Variants in COPS5 observed in about 807,000 individuals in gnomAD.
The protein encoded by COPS5 is COP9 signalosome subunit 5, also known as COP9 signalosome complex subunit 5.
A neutral mutation model predicts 44.4 loss-of-function variants in COPS5; 8 were observed. That is an observed-to-expected ratio of 0.18 (90% CI 0.11 to 0.32). The LOEUF (loss-of-function observed/expected upper bound fraction) is 0.32. Ranked by LOEUF, COPS5 falls within the 10% of genes least tolerant of loss-of-function variation. The probability of loss-of-function intolerance (pLI) is 1.00; values close to 1 mark genes in which losing one functional copy is unlikely to be tolerated. For missense variants in COPS5, 159 were observed against 406.4 expected (o/e 0.39, Z 5.23); for synonymous variants, 122 against 142.8 (o/e 0.85, Z 1.04).
At chr8:67,050,289 C>T (rs929885583) in intron 6 of COPS5, among the ~76,000 whole-genome samples, 1 of 152,252 alleles carries the variant, frequency 6.6e-6, no homozygotes. Context: ...GCGTAAGCCA[C>T]CGCGCCCGGC....
Position 67,056,536 on chromosome 8 carries a change from A to G in COPS5, c.642T>C (p.Phe214=). The change falls in exon 5 of 8, where the codon TTT becomes TTC. Residue 214 remains phenylalanine, a synonymous_variant. Coordinates refer to ENST00000357849, the MANE Select transcript of COPS5 (RefSeq NM_006837.3). Reference sequence around the variant, plus strand: ...TTACTTACTGTTTGCAGTGTACACCAAAATCTTCTATTTTATTAAGTGGAA... The same window carrying G: ...TTACTTACTGTTTGCAGTGTACACCGAAATCTTCTATTTTATTAAGTGGAA... The part of the protein sequence containing the change: ...QTIPLNKIED[F]GVHCKQYYAL... 7.0e-7 allele frequency: 1 copy of G among 1,436,396 alleles called. No individual in the cohort carries two copies. Among genetic ancestry groups the G allele is most frequent in the Non-Finnish European group, 9.5e-7 (1 of 1,051,550 alleles). The allele number at this position is 1,436,396 out of a possible 1,614,324, so 89.0% of individuals were successfully genotyped here. A position where few individuals can be genotyped will look rare whatever the true frequency, so the allele number is the denominator to read the frequency against.
chr8:67,057,278 G>A (rs112718029), intron 4 of COPS5, 102 bp downstream of exon 4: 44 of 587,360 alleles, frequency 7.5e-5, no homozygotes, highest in Admixed American at 5.8e-4. Flanking sequence ...GAGCCTAGGC[G>A]ATGAAGGCTG....
chr8:67,059,679 T>A (rs1288329693), intron 1 of COPS5: 11 of 485,288 alleles, frequency 2.3e-5, no homozygotes, highest in South Asian at 2.2e-4. Flanking sequence ...AATACTTTTT[T>A]AATATGCTAT....
chr8:67,055,892 AGT>A (rs1323680363), intron 5 of COPS5, among the ~76,000 whole-genome samples: 4 of 151,838 alleles, frequency 2.6e-5, no homozygotes, highest in Non-Finnish European at 4.4e-5. Context: ...TATGTAATAC[AGT>A]GGTTTTTAGT....
chr8:67,054,076 G>A (rs1003210481), intron 5 of COPS5, among the ~76,000 whole-genome samples: 15 of 151,548 alleles, frequency 9.9e-5, no homozygotes, highest in Non-Finnish European at 2.2e-4. Flanking sequence ...AATGTAGGCC[G>A]CTAGCAAAGT....
At chr8:67,053,235 G>A (rs1027918473) in intron 5 of COPS5, among the ~76,000 whole-genome samples, 1 of 151,446 alleles carries the variant, frequency 6.6e-6, no homozygotes, top group Non-Finnish European at 1.5e-5. Context: ...GATTACAGGC[G>A]CCCACCACCA....
rs1357329266 is a variant in COPS5, at chr8:67,058,369, TAC to T, written c.379-160_379-159del. 3.9e-5 allele frequency among the ~76,000 whole-genome samples: 6 copies of T among 152,334 alleles called. No homozygotes were observed. The East Asian group carries it at 1.2e-3, about 29-fold the overall frequency. On this transcript the variant is annotated intron_variant, in intron 2 of 7. Transcript: ENST00000357849. ...AAATCTATGGGCAATTGCTTACCCT[TAC>T]AGAGATATTCTTTGTATACAGAATA... is the stretch of plus-strand genomic sequence containing the variant.
chr8:67,044,984 T>G (rs549951171), intron 7 of COPS5: 5 of 152,298 alleles, frequency 3.3e-5, no homozygotes, highest in South Asian at 2.1e-4. Flanking sequence ...ACATAATTAT[T>G]TCGTAAGTTA....
intron 1 of COPS5, chr8:67,061,324 T>C: frequency 2.3e-6 from 1 of 426,374 alleles, no homozygotes; most frequent in South Asian, 1.7e-5. Flanking sequence ...GGCCCAGGCC[T>C]CACGCCTGTA....
At chr8:67,054,759 G>C (rs751540885) in intron 5 of COPS5, among the ~76,000 whole-genome samples, 73 of 152,284 alleles carry the variant, frequency 4.8e-4, no homozygotes, top group Non-Finnish European at 7.2e-4. Flanking sequence ...CAGAAAAAGA[G>C]GGCAGTAGAT....
intron 6 of COPS5, among the ~76,000 whole-genome samples, chr8:67,049,023 ATTTG>A (rs1186186572): frequency 2.0e-5 from 3 of 152,190 alleles, no homozygotes; most frequent in African/African-American, 4.8e-5. Context: ...TATAGATATC[ATTTG>A]TTTATTATAG....
In COPS5 at chr8:67,059,074, CG is replaced by C; in HGVS notation, c.378+136del. ...ATAAGTCTTATCAGGCTTTTAATCT[CG>C]TACATTTTACATATAAATCATTAAA... On this transcript the variant is annotated intron_variant, in intron 2 of 7. Transcript: ENST00000357849. 3 of 610,308 alleles carry C rather than the reference CG, an allele frequency of 4.9e-6. No homozygotes were observed. The East Asian group carries it at 8.6e-5, about 17-fold the overall frequency. 37.8% of individuals were successfully genotyped at this position (610,308 alleles called of 1,614,324 possible).
At chr8:67,044,052 T>A (rs1424425568) in intron 7 of COPS5, 1 of 151,922 alleles carries the variant, frequency 6.6e-6, no homozygotes, top group Non-Finnish European at 1.5e-5. Flanking sequence ...CGAAAAATAC[T>A]TTTTTTTGGA....
intron 2 of COPS5, among the ~76,000 whole-genome samples, chr8:67,058,935 T>C (rs1405583089): frequency 2.0e-5 from 3 of 150,636 alleles, no homozygotes; most frequent in Non-Finnish European, 4.4e-5. Context: ...GCCCAGGAGA[T>C]GGAGGTTGCA....
Position 67,061,715 on chromosome 8 carries a change from A to C in COPS5, c.143+139T>G, listed in dbSNP as rs1312880399. ...AGCCCCAGCGGAGGGCTTAGGCTCT[A>C]CTTGCAGATCCAAGACGCATATTCT... On this transcript the variant is annotated intron_variant, in intron 1 of 7. Coordinates refer to ENST00000357849, the MANE Select transcript of COPS5 (RefSeq NM_006837.3). 3 of 833,128 alleles carry C rather than the reference A, an allele frequency of 3.6e-6. No individual in the cohort carries two copies. The East Asian group carries it at 7.4e-5, about 21-fold the overall frequency. The allele number at this position is 833,128 out of a possible 1,614,324, so 51.6% of individuals were successfully genotyped here.
chr8:67,056,648 AAAAAATATAT>A (rs1804508025), intron 4 of COPS5, 44 bp from the exon 5 acceptor site: 2 of 88,814 alleles, frequency 2.3e-5, no homozygotes, highest in Non-Finnish European at 3.5e-5. Context: ...AAAAAAAAAA[AAAAAATATAT>A]ATATATATAT....
intron 6 of COPS5, among the ~76,000 whole-genome samples, chr8:67,050,704 G>A (rs1361002884): frequency 2.7e-5 from 4 of 150,264 alleles, no homozygotes; most frequent in Admixed American, 6.7e-5. Context: ...TAAAGCTGCC[G>A]TCTTGCTTTC....
At chr8:67,060,230 C>T (rs570356150) in intron 1 of COPS5, 8 of 585,662 alleles carry the variant, frequency 1.4e-5, no homozygotes, top group East Asian at 1.0e-4. Flanking sequence ...CTCATTAATG[C>T]AGCCCAAGAC....
chr8:67,049,496 C>T (rs1804367763), intron 6 of COPS5, among the ~76,000 whole-genome samples: 1 of 152,152 alleles, frequency 6.6e-6, no homozygotes, highest in Non-Finnish European at 1.5e-5. Context: ...AATCCTTGGC[C>T]TTCCAGGTCA....
Sources: allele counts gnomAD v4.1 joint callset (sites outside exome capture counted in the v4.1 genomes callset), GRCh38; gene constraint gnomAD v4.1.1; transcripts MANE v1.5; gene names NCBI Gene and HGNC (gene_info 2026-07-23, HGNC 2026-07-21).